The following SAXO2 variants were observed in gnomAD, a reference collection of about 807,000 sequenced individuals.
The protein encoded by SAXO2 is family with sequence similarity 154, member B.
In SAXO2, 17 loss-of-function variants were observed where a neutral mutation model predicts 18.7. The ratio of observed to expected loss-of-function variants is 0.91; its 90% CI spans 0.62 to 1.36. SAXO2 has a LOEUF of 1.36. SAXO2 is among the 40% of genes most tolerant of loss of function. The pLI is 0.00. For missense variants in SAXO2, 486 were observed against 562.6 expected, an observed-to-expected ratio of 0.86 and a Z score of 1.38; for synonymous variants, 163 against 181.2, an observed-to-expected ratio of 0.90 and a Z score of 0.81.
chr15:82,276,436 A>T (rs955452436), intron 3 of SAXO2, among the ~76,000 whole-genome samples: 1 of 152,196 alleles, frequency 6.6e-6, no homozygotes, highest in Non-Finnish European at 1.5e-5. Context: ...CAGAGGCATT[A>T]CATCTCCTGA....
intron 3 of SAXO2, among the ~76,000 whole-genome samples, chr15:82,275,733 A>C (rs920547937): frequency 6.6e-6 from 1 of 152,218 alleles, no homozygotes; most frequent in Non-Finnish European, 1.5e-5. Context: ...ACATCACTTC[A>C]TGATAAAAAC....
intron 3 of SAXO2, among the ~76,000 whole-genome samples, chr15:82,275,970 G>A (rs528308908): frequency 3.9e-5 from 6 of 152,220 alleles, no homozygotes; most frequent in South Asian, 2.1e-4. Context: ...ATGTCTCTTC[G>A]CTGACAATGT....
chr15:82,282,467 C>G lies in SAXO2; in HGVS notation c.782C>G (p.Pro261Arg), dbSNP rs760798976. ...GGTGAAACTGCAAAACTCTGCAGAC[C>G]TGTACACACCAGAGTGACCCAGAAT... ...LIGETAKLCRPVHTRVTQNAL... is the reference protein window; with the variant it reads ...LIGETAKLCRRVHTRVTQNAL... The change falls in exon 4 of 4, where the codon CCT becomes CGT. Residue 261 changes from proline (P) to arginine (R), a missense_variant. Coordinates refer to ENST00000682753, the MANE Select transcript of SAXO2 (RefSeq NM_001348699.2). The G allele has an allele frequency of 4.3e-6, 7 of 1,614,130 alleles. No homozygotes were observed. The highest frequency in any genetic ancestry group is 5.9e-6 in the Non-Finnish European group (7 of 1,179,976).
chr15:82,270,535 T>A (rs1439178618), intron 2 of SAXO2, among the ~76,000 whole-genome samples: 4 of 152,122 alleles, frequency 2.6e-5, no homozygotes, highest in Admixed American at 2.0e-4. Flanking sequence ...GTCTAAGAAG[T>A]TATGTTGTGA....
intron 1 of SAXO2, among the ~76,000 whole-genome samples, chr15:82,264,391 A>C (rs2075189179): frequency 6.6e-6 from 1 of 151,998 alleles, no homozygotes; most frequent in East Asian, 1.9e-4. Context: ...TTTAACAAAA[A>C]AAGAGAATAT....
intron 1 of SAXO2, 123 bp downstream of exon 1, chr15:82,263,055 C>T (rs1424319474): frequency 3.9e-6 from 6 of 1,524,654 alleles, no homozygotes; most frequent in Non-Finnish European, 3.5e-6. Context: ...GGGACGAGGG[C>T]GCAGCGACAT....
chr15:82,282,721 A>C lies in SAXO2; in HGVS notation c.1036A>C (p.Lys346Gln). Residue 346 changes from lysine to glutamine, a missense_variant, in exon 4 of 4, where the codon AAA (lysine) becomes CAA (glutamine). Coordinates refer to ENST00000682753, the MANE Select transcript of SAXO2 (RefSeq NM_001348699.2). ...NFPFQGKSIM[K>Q]EDFPAWESCR... ...TCCTTTCCAAGGAAAAAGCATCATG[A>C]AAGAAGATTTTCCAGCATGGGAAAG... 6.2e-7 allele frequency: 1 copy of C among 1,614,214 alleles called. No individual in the cohort carries two copies. The highest frequency in any genetic ancestry group is 8.5e-7 in the Non-Finnish European group (1 of 1,180,020).
At chr15:82,264,068 ATT>A (rs397853729) in intron 1 of SAXO2, among the ~76,000 whole-genome samples, 1,652 of 86,856 alleles carry the variant, frequency 0.019, 21 homozygotes, top group African/African-American at 0.067. Flanking sequence ...ATATGCATTG[ATT>A]TTTTTTTTTT....
rs2075275134 is a variant in SAXO2, at chr15:82,271,813, G to C, written c.433+11G>C. 1.2e-6 allele frequency: 2 copies of C among 1,605,132 alleles called. No individual in the cohort carries two copies. The highest frequency in any genetic ancestry group is 1.3e-5 in the African/African-American group (1 of 74,370). On this transcript the variant is annotated intron_variant, in intron 3 of 3. Transcript: ENST00000682753. ...TCCCAACCTATAAAGGTAACTTGCT[G>C]TTTCATACATGAAGGAGCCAAAAAA...
chr15:82,276,603 G>A (rs1200401452), intron 3 of SAXO2, among the ~76,000 whole-genome samples: 1 of 152,076 alleles, frequency 6.6e-6, no homozygotes, highest in Non-Finnish European at 1.5e-5. Context: ...ATAAACAGTG[G>A]GGAAATTGTT....
intron 3 of SAXO2, among the ~76,000 whole-genome samples, chr15:82,276,538 C>T (rs1314936523): frequency 1.3e-5 from 2 of 151,926 alleles, no homozygotes; most frequent in Non-Finnish European, 2.9e-5. Flanking sequence ...AATGGAGACC[C>T]CTGAAATTAA....
chr15:82,265,788 T>G (rs1210278821), intron 2 of SAXO2, 40 bp downstream of exon 2: 4 of 1,453,866 alleles, frequency 2.8e-6, no homozygotes, highest in Non-Finnish European at 3.7e-6. Flanking sequence ...TATTTTTCTC[T>G]CAACTCTTCT....
In SAXO2 at chr15:82,282,602, T is replaced by G. The variant is rs2075374664; in HGVS notation, c.917T>G (p.Leu306Arg). The G allele has an allele frequency of 6.2e-7, 1 of 1,614,224 alleles. No individual in the cohort carries two copies. The highest frequency in any genetic ancestry group is 8.5e-7 in the Non-Finnish European group (1 of 1,180,030). Residue 306 changes from leucine (L) to arginine (R), a missense_variant, in exon 4 of 4, where the codon CTG becomes CGG. Leu to Arg is a moderately radical substitution (Grantham distance 102). Transcript: ENST00000682753. ...PEYVPPTGSM[L>R]LNSTSHLDYV... ...TATGTGCCTCCTACAGGTAGCATGC[T>G]GTTAAACAGCACAAGCCATCTTGAC...
chr15:82,274,236 A>G (rs1348326076), intron 3 of SAXO2, among the ~76,000 whole-genome samples: 3 of 151,974 alleles, frequency 2.0e-5, no homozygotes, highest in African/African-American at 7.2e-5. Flanking sequence ...AAGGATAAAG[A>G]ATTTTGAGTT....
intron 1 of SAXO2, among the ~76,000 whole-genome samples, chr15:82,264,161 C>G (rs187857187): frequency 1.3e-5 from 2 of 150,858 alleles, no homozygotes; most frequent in African/African-American, 4.9e-5. Flanking sequence ...ATCTCCGCCT[C>G]CCGGGTTCAA....
chr15:82,276,151 AG>A (rs1445916335), intron 3 of SAXO2, among the ~76,000 whole-genome samples: 2 of 152,138 alleles, frequency 1.3e-5, no homozygotes, highest in Non-Finnish European at 2.9e-5. Flanking sequence ...CATTTATAAT[AG>A]CCATACACAC....
At chr15:82,273,543 T>C (rs1183988537) in intron 3 of SAXO2, among the ~76,000 whole-genome samples, 1 of 150,100 alleles carries the variant, frequency 6.7e-6, no homozygotes, top group Non-Finnish European at 1.5e-5. Flanking sequence ...AAAATGTTTT[T>C]TCTGTTTTTT....
chr15:82,272,007 C>T, intron 3 of SAXO2: 1 of 476,734 alleles, frequency 2.1e-6, no homozygotes, highest in Non-Finnish European at 3.7e-6. Context: ...AAAAGACCCA[C>T]AATCCCATCC....
chr15:82,263,140 C>T (rs2075155024), intron 1 of SAXO2: 3 of 1,461,048 alleles, frequency 2.1e-6, no homozygotes, highest in East Asian at 5.0e-5. Context: ...TGTTCGTAGC[C>T]CCTGAGACTC....
Sources: allele counts gnomAD v4.1 joint callset (sites outside exome capture counted in the v4.1 genomes callset), GRCh38; gene constraint gnomAD v4.1.1; transcripts MANE v1.5; gene names NCBI Gene and HGNC (gene_info 2026-07-23, HGNC 2026-07-21).